PLEK2: variants seen among roughly 807,000 people sequenced by gnomAD.
PLEK2 encodes the protein pleckstrin 2, also known as pleckstrin-2.
In PLEK2, 29 loss-of-function variants were observed where a neutral mutation model predicts 43.8. The observed-to-expected ratio is 0.66, with a 90% CI of 0.49 to 0.90. The LOEUF (loss-of-function observed/expected upper bound fraction) is 0.90. PLEK2 is among the 40% of genes least tolerant of loss of function. The probability of loss-of-function intolerance (pLI) is 0.00; values close to 1 mark genes in which losing one functional copy is unlikely to be tolerated. For missense variants in PLEK2, 398 were observed against 448.1 expected (o/e 0.89, Z 1.01); for synonymous variants, 162 against 173.2 (o/e 0.94, Z 0.51).
At chr14:67,388,743 G>A (rs1384025059) in intron 7 of PLEK2, among the ~76,000 whole-genome samples, 4 of 152,036 alleles carry the variant, frequency 2.6e-5, no homozygotes, top group Non-Finnish European at 5.9e-5. Flanking sequence ...GCAGAGGCAC[G>A]ATCTCGGCTC....
At chr14:67,407,366 C>G (rs1389605323) in intron 1 of PLEK2, among the ~76,000 whole-genome samples, 2 of 151,464 alleles carry the variant, frequency 1.3e-5, no homozygotes, top group African/African-American at 4.9e-5. Context: ...CGTGATCTGC[C>G]CACCTCGGCC....
At chr14:67,396,187 G>A (rs1043349279) in intron 2 of PLEK2, among the ~76,000 whole-genome samples, 4 of 151,454 alleles carry the variant, frequency 2.6e-5, no homozygotes, top group Admixed American at 6.6e-5. Flanking sequence ...TTGCTCTGTC[G>A]CCCAGGCTGG....
At position 67,395,532 on chromosome 14, in the gene PLEK2, A is replaced by C; in HGVS notation, c.259T>G (p.Cys87Gly). 1 of 1,614,122 alleles carries C rather than the reference A, an allele frequency of 6.2e-7. No homozygotes were observed. Among genetic ancestry groups the C allele is most frequent in the Non-Finnish European group, 8.5e-7 (1 of 1,179,976 alleles). ...QTSTEYFLEACSREERDAWAF... is the reference protein window; with the variant it reads ...QTSTEYFLEAGSREERDAWAF... ...CAGGCATCCCGCTCCTCTCGAGAACAGGCCTCCAGGAAGTACTCCGTGGAT... is the reference window on the plus strand; with the variant it reads ...CAGGCATCCCGCTCCTCTCGAGAACCGGCCTCCAGGAAGTACTCCGTGGAT... The change falls in exon 3 of 9, where the codon TGT becomes GGT. Residue 87 changes from cysteine (C) to glycine (G), a missense_variant. Cys to Gly is a radical substitution (Grantham distance 159, BLOSUM62 -3). Transcript: ENST00000216446.
intron 4 of PLEK2, 36 bp from the exon 5 acceptor site, chr14:67,392,885 T>G (rs762732869): frequency 6.5e-7 from 1 of 1,542,126 alleles, no homozygotes; most frequent in Non-Finnish European, 8.9e-7. Flanking sequence ...CGATGGGTGA[T>G]GGACCAGCGT....
intron 7 of PLEK2, among the ~76,000 whole-genome samples, chr14:67,388,707 TCTCA>T (rs1266367091): frequency 6.6e-6 from 1 of 152,056 alleles, no homozygotes; most frequent in South Asian, 2.1e-4. Context: ...TGAGACGGAG[TCTCA>T]CTCTGTCTTT....
chr14:67,408,153 G>T (rs1260196854), intron 1 of PLEK2, among the ~76,000 whole-genome samples: 1 of 151,998 alleles, frequency 6.6e-6, no homozygotes, highest in Non-Finnish European at 1.5e-5. Context: ...GGGCGTGGTG[G>T]TGCATGCCTG....
chr14:67,393,284 C>T (rs764750250), intron 3 of PLEK2, 43 bp from the exon 4 acceptor site: 56 of 1,396,146 alleles, frequency 4.0e-5, no homozygotes, highest in Non-Finnish European at 5.1e-5. Flanking sequence ...CCTCATCACG[C>T]GGGCAGGTAT....
At chr14:67,395,711 C>T (rs1251376029) in intron 2 of PLEK2, 128 bp from the exon 3 acceptor site, 5 of 668,736 alleles carry the variant, frequency 7.5e-6, no homozygotes, top group Admixed American at 2.7e-5. Context: ...CCCTCGGCCA[C>T]ATAGCAGGTA....
intron 4 of PLEK2, 146 bp from the exon 5 acceptor site, chr14:67,392,995 GC>G (rs2085980472): frequency 2.3e-6 from 2 of 864,664 alleles, no homozygotes; most frequent in African/African-American, 3.3e-5. Flanking sequence ...GCTGCATAGA[GC>G]CGTGGCTGCA....
At position 67,402,134 on chromosome 14, in the gene PLEK2, A is replaced by AAACAAC. The variant is rs965328951; in HGVS notation, c.43-4314_43-4309dup. Among the ~76,000 whole-genome samples, 959 of 152,286 alleles carry AAACAAC rather than the reference A, an allele frequency of 6.3e-3. 9 individuals are homozygous for AAACAAC. Among genetic ancestry groups the AAACAAC allele is most frequent in the African/African-American group, 0.021 (872 of 41,550 alleles). ...GGGTGACAGAGGAAGAGTCCATCTC[A>AAACAAC]AACAACAACAACAACATCAACAAAA... On this transcript the variant is annotated intron_variant, in intron 1 of 8. Coordinates refer to ENST00000216446, the MANE Select transcript of PLEK2 (RefSeq NM_016445.3).
chr14:67,404,024 G>A (rs1225010749), intron 1 of PLEK2, among the ~76,000 whole-genome samples: 1 of 152,140 alleles, frequency 6.6e-6, no homozygotes, highest in Admixed American at 6.5e-5. Flanking sequence ...CCACACTCTA[G>A]CCTGGGCAAC....
chr14:67,393,807 C>T (rs997520825), intron 3 of PLEK2, among the ~76,000 whole-genome samples: 1 of 152,248 alleles, frequency 6.6e-6, no homozygotes, highest in Non-Finnish European at 1.5e-5. Context: ...GCACGGCTCA[C>T]CCCTCATAAA....
At chr14:67,399,023 C>A (rs986459112) in intron 1 of PLEK2, among the ~76,000 whole-genome samples, 1 of 152,246 alleles carries the variant, frequency 6.6e-6, no homozygotes, top group Non-Finnish European at 1.5e-5. Context: ...AATATCCTTG[C>A]ACGTAAATTT....
intron 7 of PLEK2, 66 bp downstream of exon 7, chr14:67,390,597 G>A: frequency 3.6e-6 from 4 of 1,126,460 alleles, no homozygotes; most frequent in Non-Finnish European, 5.4e-6. Flanking sequence ...TGCCCGCCAT[G>A]CCAGGAGAGG....
Position 67,408,150 on chromosome 14 carries a change from G to A in PLEK2, c.42+3868C>T, listed in dbSNP as rs180820682. Among the ~76,000 whole-genome samples, 304 of 152,024 alleles carry A rather than the reference G, an allele frequency of 2.0e-3. 2 individuals are homozygous for A. Among genetic ancestry groups the A allele is most frequent in the Admixed American group, 3.7e-3 (56 of 15,284 alleles). On this transcript the variant is annotated intron_variant, in intron 1 of 8. Transcript: ENST00000216446. ...AAAAATACAAAATTAACCGGGCGTG[G>A]TGGTGCATGCCTGTAATCTCAGCTA...
intron 1 of PLEK2, among the ~76,000 whole-genome samples, chr14:67,407,661 G>A (rs888902114): frequency 2.6e-5 from 4 of 151,784 alleles, no homozygotes; most frequent in African/African-American, 7.3e-5. Context: ...GGCTGCTCTC[G>A]AACTCCTGGC....
chr14:67,410,961 C>T (rs977880254), intron 1 of PLEK2, among the ~76,000 whole-genome samples: 10 of 151,952 alleles, frequency 6.6e-5, no homozygotes, highest in African/African-American at 2.4e-4. Context: ...GCCTGGGAAA[C>T]ATGGCGAAAC....
At chr14:67,392,578 T>A in intron 5 of PLEK2, 84 bp downstream of exon 5, 1 of 1,344,646 alleles carries the variant, frequency 7.4e-7, no homozygotes, top group Non-Finnish European at 1.1e-6. Flanking sequence ...TCTCCTCCCA[T>A]GACTGTGGCC....
chr14:67,404,065 G>T (rs2086064276), intron 1 of PLEK2, among the ~76,000 whole-genome samples: 1 of 151,398 alleles, frequency 6.6e-6, no homozygotes, highest in African/African-American at 2.4e-5. Context: ...ATTTTTGAAA[G>T]AAAATAATAT....
Sources: allele counts gnomAD v4.1 joint callset (sites outside exome capture counted in the v4.1 genomes callset), GRCh38; gene constraint gnomAD v4.1.1; transcripts MANE v1.5; gene names NCBI Gene and HGNC (gene_info 2026-07-23, HGNC 2026-07-21).